Variants in SLC39A12 observed in about 807,000 individuals in gnomAD.
SLC39A12 encodes the protein zinc transporter ZIP12.
Under a neutral mutation model 71.1 loss-of-function variants are expected in SLC39A12, and 63 were observed. The observed-to-expected ratio is 0.89, with a 90% CI of 0.72 to 1.09. The LOEUF is 1.09. SLC39A12 is among the 50% of genes least tolerant of loss of function. The probability of loss-of-function intolerance (pLI) is 0.00; values close to 1 mark genes in which losing one functional copy is unlikely to be tolerated. For missense variants in SLC39A12, 892 were observed against 812.6 expected (o/e 1.10, Z -1.19); for synonymous variants, 351 against 301.3 (o/e 1.16, Z -1.71).
intron 4 of SLC39A12, among the ~76,000 whole-genome samples, chr10:17,972,800 G>A (rs114463968): frequency 0.014 from 2,053 of 151,792 alleles, 40 homozygotes; most frequent in African/African-American, 0.043. Flanking sequence ...CTGCTAGTCT[G>A]TGTCTTTTGA....
intron 2 of SLC39A12, among the ~76,000 whole-genome samples, chr10:17,956,630 C>T (rs1269729031): frequency 6.6e-6 from 1 of 152,214 alleles, no homozygotes; most frequent in Non-Finnish European, 1.5e-5. Flanking sequence ...ATCTCCCACC[C>T]ACCTGTGTCC....
intron 2 of SLC39A12, among the ~76,000 whole-genome samples, chr10:17,956,282 C>T (rs930197355): frequency 4.6e-5 from 7 of 152,018 alleles, no homozygotes; most frequent in Admixed American, 1.3e-4. Flanking sequence ...CTCTGTGGAT[C>T]TCATGGACAT....
chr10:18,037,222 A>G lies in SLC39A12; in HGVS notation c.1948-5483A>G, dbSNP rs111616580. ...TGCTGTTATTGTTTATTGATTTATT[A>G]AGTGTTGATTATTGATAATTCATTA... On this transcript the variant is annotated intron_variant, in intron 12 of 12. Transcript: ENST00000377369. Among the ~76,000 whole-genome samples the G allele has an allele frequency of 3.6e-3, 546 of 152,230 alleles. 5 individuals carry two copies. Among genetic ancestry groups the G allele is most frequent in the African/African-American group, 0.012 (504 of 41,528 alleles).
chr10:17,967,856 C>T (rs1190666383), intron 4 of SLC39A12, among the ~76,000 whole-genome samples: 3 of 148,754 alleles, frequency 2.0e-5, no homozygotes, highest in African/African-American at 7.4e-5. Context: ...CACTGTACTC[C>T]AGCCTGGGCG....
chr10:18,014,497 A>G (rs1321170246), intron 12 of SLC39A12, among the ~76,000 whole-genome samples: 1 of 152,220 alleles, frequency 6.6e-6, no homozygotes, highest in Admixed American at 6.5e-5. Flanking sequence ...AAAAGATCCT[A>G]CAACAATCAC....
At chr10:17,960,899 A>G (rs1366472131) in intron 2 of SLC39A12, among the ~76,000 whole-genome samples, 2 of 152,252 alleles carry the variant, frequency 1.3e-5, no homozygotes, top group South Asian at 2.1e-4. Context: ...TCTTGGATAC[A>G]TAAGGTTAAA....
chr10:18,036,418 G>GC (rs1212071236), intron 12 of SLC39A12, among the ~76,000 whole-genome samples: 4 of 152,018 alleles, frequency 2.6e-5, no homozygotes, highest in African/African-American at 4.8e-5. Flanking sequence ...TTTTCCAGGT[G>GC]CGTCCGTCAC....
At chr10:18,000,846 A>G (rs1589240318) in intron 11 of SLC39A12, 21 bp downstream of exon 11, 3 of 1,609,712 alleles carry the variant, frequency 1.9e-6, no homozygotes, top group Non-Finnish European at 2.5e-6. Context: ...CAATGGAATT[A>G]CTGTTTCTGG....
intron 12 of SLC39A12, among the ~76,000 whole-genome samples, chr10:18,032,841 TGA>T (rs1475095152): frequency 6.9e-6 from 1 of 145,020 alleles, no homozygotes; most frequent in African/African-American, 2.6e-5. Context: ...CCTAATTTAT[TGA>T]GAGTTTTTAG....
chr10:17,996,958 T>G (rs1253880707), intron 10 of SLC39A12, among the ~76,000 whole-genome samples: 6 of 140,894 alleles, frequency 4.3e-5, no homozygotes, highest in African/African-American at 1.3e-4. Flanking sequence ...GAGCTTGCAG[T>G]GAGCCGAGAT....
At chr10:18,040,429 A>G (rs982185684) in intron 12 of SLC39A12, among the ~76,000 whole-genome samples, 3 of 152,102 alleles carry the variant, frequency 2.0e-5, no homozygotes, top group Non-Finnish European at 4.4e-5. Context: ...AGATGAAGAA[A>G]TATCTCAAAC....
chr10:17,953,594 T>A (rs1834464158), intron 2 of SLC39A12, 57 bp downstream of exon 2: 1 of 1,570,894 alleles, frequency 6.4e-7, no homozygotes, highest in Admixed American at 1.8e-5. Context: ...AAGCAATGGA[T>A]TCTATAGGGA....
intron 6 of SLC39A12, among the ~76,000 whole-genome samples, chr10:17,983,168 C>CAAAAAAAA: frequency 1.7e-5 from 1 of 60,594 alleles, no homozygotes; most frequent in African/African-American, 6.0e-5. Flanking sequence ...GACTCCATCT[C>CAAAAAAAA]AAAAAAAAAA....
chr10:17,974,837 C>G (rs932746747), intron 4 of SLC39A12, among the ~76,000 whole-genome samples: 3 of 152,196 alleles, frequency 2.0e-5, no homozygotes, highest in African/African-American at 7.2e-5. Context: ...GGCTTGTGTT[C>G]TACTCTTCAG....
intron 4 of SLC39A12, among the ~76,000 whole-genome samples, chr10:17,969,381 G>A (rs1015393503): frequency 6.6e-6 from 1 of 152,030 alleles, no homozygotes; most frequent in African/African-American, 2.4e-5. Flanking sequence ...TCTCCATAGG[G>A]GTCATACTAA....
At chr10:18,002,527 C>G (rs1475644941) in intron 11 of SLC39A12, 1 of 152,164 alleles carries the variant, frequency 6.6e-6, no homozygotes, top group Non-Finnish European at 1.5e-5. Flanking sequence ...TGCAATGGAA[C>G]TAGAAAACTG....
intron 12 of SLC39A12, among the ~76,000 whole-genome samples, chr10:18,007,606 G>T (rs866532112): frequency 1.3e-5 from 2 of 152,236 alleles, no homozygotes; most frequent in African/African-American, 4.8e-5. Context: ...CCCCATTGCT[G>T]CTGGTTGCCC....
chr10:18,037,313 C>T (rs1293705398), intron 12 of SLC39A12, among the ~76,000 whole-genome samples: 1 of 152,138 alleles, frequency 6.6e-6, no homozygotes, highest in Non-Finnish European at 1.5e-5. Flanking sequence ...CTTAATAGGA[C>T]ATTTCTACCA....
rs1451512378 is a variant in SLC39A12, at chr10:18,043,223, CT to C, written c.*391del. 6.5e-6 allele frequency: 1 copy of C among 154,126 alleles called. No homozygotes were observed. The highest frequency in any genetic ancestry group is 1.4e-5 in the Non-Finnish European group (1 of 69,274). The allele number at this position is 154,126 out of a possible 1,614,324, so 9.5% of individuals were successfully genotyped here. A position where few individuals can be genotyped will look rare whatever the true frequency, so the allele number is the denominator to read the frequency against. ...AACTTTTTGATGTTAATTTTTTTCC[CT>C]GTGCAATTATAAACTATAAGCAAGT... On this transcript the variant is annotated 3_prime_UTR_variant, in exon 13 of 13. Coordinates refer to ENST00000377369, the MANE Select transcript of SLC39A12 (RefSeq NM_001145195.2).
Sources: gnomAD v4.1 joint callset for allele counts (sites outside exome capture counted in the v4.1 genomes callset) on GRCh38, gnomAD v4.1.1 for gene constraint, MANE v1.5 for transcripts, NCBI Gene and HGNC (gene_info 2026-07-23, HGNC 2026-07-21) for gene names.